Variants in B4GALT1 observed in about 807,000 individuals in gnomAD.
The protein encoded by B4GALT1 is beta-1,4-galactosyltransferase 1.
In B4GALT1, 16 loss-of-function variants were observed where a neutral mutation model predicts 34.9. That is an observed-to-expected ratio of 0.46 (90% CI 0.31 to 0.70). The LOEUF (loss-of-function observed/expected upper bound fraction) is 0.70. Among genes scored for constraint, B4GALT1 ranks in the 30% least tolerant of loss-of-function variants. The probability of loss-of-function intolerance (pLI) is 0.05; values close to 1 mark genes in which losing one functional copy is unlikely to be tolerated. For missense variants in B4GALT1, 445 were observed against 530.5 expected, an observed-to-expected ratio of 0.84 and a Z score of 1.58; for synonymous variants, 221 against 218.1, an observed-to-expected ratio of 1.01 and a Z score of -0.12.
rs1385257226 is a variant in B4GALT1, at chr9:33,113,493, CAATGG to C, written c.1153_1157del (p.Pro385ValfsTer47). 1 of 1,614,080 alleles carries C rather than the reference CAATGG, an allele frequency of 6.2e-7. No homozygotes were observed. The highest frequency in any genetic ancestry group is 8.5e-7 in the Non-Finnish European group (1 of 1,180,036). On this transcript the variant is annotated frameshift_variant, in exon 6 of 6. Coordinates refer to ENST00000379731, the MANE Select transcript of B4GALT1 (RefSeq NM_001497.4). LOFTEE classifies it high-confidence loss of function. The stretch of plus-strand genomic sequence containing the variant: ...CGATGTCCACTGTGATTTGGGTATA[CAATGG>C]GTATCTCTGTACATCCAGCACCTGG...
At chr9:33,136,618 C>T (rs1587738664) in intron 1 of B4GALT1, among the ~76,000 whole-genome samples, 1 of 152,224 alleles carries the variant, frequency 6.6e-6, no homozygotes, top group Non-Finnish European at 1.5e-5. Context: ...AGTCGAAAAA[C>T]CCCCTTCGTT....
At chr9:33,156,124 T>C (rs1840590422) in intron 1 of B4GALT1, among the ~76,000 whole-genome samples, 1 of 151,708 alleles carries the variant, frequency 6.6e-6, no homozygotes, top group Non-Finnish European at 1.5e-5. Context: ...CTGTAAACTT[T>C]TTTTTTTTTC....
At chr9:33,116,174 A>C (rs570906731) in intron 3 of B4GALT1, 61 bp from the exon 4 acceptor site, 2 of 1,584,552 alleles carry the variant, frequency 1.3e-6, no homozygotes, top group Non-Finnish European at 1.7e-6. Context: ...CATCCCCAAA[A>C]TAAAGCTTGC....
Position 33,121,211 on chromosome 9 carries a change from A to C in B4GALT1, c.649-605T>G, listed in dbSNP as rs77436428. On this transcript the variant is annotated intron_variant, in intron 2 of 5. Coordinates refer to ENST00000379731, the MANE Select transcript of B4GALT1 (RefSeq NM_001497.4). ...CAAACCCAACTCAACCTCTGCCCTCACAGTGCTCACCATGGAGGGCAGAAG... is the reference window on the plus strand; with the variant it reads ...CAAACCCAACTCAACCTCTGCCCTCCCAGTGCTCACCATGGAGGGCAGAAG... 2.4e-3 allele frequency among the ~76,000 whole-genome samples: 366 copies of C among 152,300 alleles called. 1 individual carries two copies. The highest frequency in any genetic ancestry group is 3.5e-3 in the Non-Finnish European group (239 of 68,022).
chr9:33,127,226 G>A (rs532443418), intron 2 of B4GALT1, among the ~76,000 whole-genome samples: 5 of 152,298 alleles, frequency 3.3e-5, no homozygotes, highest in African/African-American at 1.2e-4. Context: ...GCCTCCCAAA[G>A]TACTGGGATT....
chr9:33,113,266 A>G lies in B4GALT1; in HGVS notation c.*188T>C. The G allele has an allele frequency of 1.3e-6, 1 of 773,166 alleles. No individual in the cohort carries two copies. The allele number at this position is 773,166 out of a possible 1,614,324, so 47.9% of individuals were successfully genotyped here. A position where few individuals can be genotyped will look rare whatever the true frequency, so the allele number is the denominator to read the frequency against. On this transcript the variant is annotated 3_prime_UTR_variant, in exon 6 of 6. Coordinates refer to ENST00000379731, the MANE Select transcript of B4GALT1 (RefSeq NM_001497.4). ...ACACCTTGCAGAGCTAAGAATTCAC[A>G]TGCCGAGCCAAGTTGGGGGCAAAAT...
At chr9:33,105,320 G>A (rs1395932230) in intron 2 of B4GALT1, among the ~76,000 whole-genome samples, 1 of 151,780 alleles carries the variant, frequency 6.6e-6, no homozygotes, top group Non-Finnish European at 1.5e-5. Flanking sequence ...TGTATTTTTA[G>A]TAGAGACAGG....
At chr9:33,166,720 G>T in intron 1 of B4GALT1, 38 bp downstream of exon 1, 1 of 1,482,782 alleles carries the variant, frequency 6.7e-7, no homozygotes, top group South Asian at 1.4e-5. Flanking sequence ...ATCCGGGGGG[G>T]TCCCAATCCT....
At chr9:33,165,774 G>C (rs1261610574) in intron 1 of B4GALT1, among the ~76,000 whole-genome samples, 1 of 152,236 alleles carries the variant, frequency 6.6e-6, no homozygotes, top group Non-Finnish European at 1.5e-5. Context: ...GGGCCTGTGG[G>C]CCTGTAGGTT....
intron 1 of B4GALT1, among the ~76,000 whole-genome samples, chr9:33,164,970 A>ATT (rs534464885): frequency 9.3e-6 from 1 of 107,556 alleles, no homozygotes; most frequent in African/African-American, 3.5e-5. Context: ...GAGTGCCCGT[A>ATT]TTTTTTTTTT....
intron 2 of B4GALT1, among the ~76,000 whole-genome samples, chr9:33,105,494 G>T (rs940705518): frequency 6.6e-6 from 1 of 152,110 alleles, no homozygotes; most frequent in African/African-American, 2.4e-5. Flanking sequence ...CAGTCATCGG[G>T]GGCAGAGTGC....
intron 1 of B4GALT1, among the ~76,000 whole-genome samples, chr9:33,139,595 A>G (rs1035510111): frequency 1.3e-5 from 2 of 152,016 alleles, no homozygotes; most frequent in Non-Finnish European, 2.9e-5. Flanking sequence ...TGCCCTGCAC[A>G]CCTCCTGCCA....
At chr9:33,151,731 G>C (rs1427025074) in intron 1 of B4GALT1, among the ~76,000 whole-genome samples, 1 of 152,176 alleles carries the variant, frequency 6.6e-6, no homozygotes, top group African/African-American at 2.4e-5. Flanking sequence ...CAGCACACAT[G>C]GCTAAATTTT....
upstream of B4GALT1, among the ~76,000 whole-genome samples, chr9:33,168,254 A>AC (rs1468381982): frequency 6.6e-6 from 1 of 152,206 alleles, no homozygotes; most frequent in Non-Finnish European, 1.5e-5. Flanking sequence ...CTACAGGTTT[A>AC]CCCTTTGTTG....
upstream of B4GALT1, among the ~76,000 whole-genome samples, chr9:33,167,813 A>G (rs1020102311): frequency 2.6e-5 from 4 of 152,094 alleles, no homozygotes; most frequent in African/African-American, 9.7e-5. Flanking sequence ...GAGGCAGAAA[A>G]AGGTTACCCA....
chr9:33,136,254 G>A (rs958526156), intron 1 of B4GALT1, among the ~76,000 whole-genome samples: 3 of 152,188 alleles, frequency 2.0e-5, no homozygotes, highest in Non-Finnish European at 4.4e-5. Context: ...TAGTAAGAGA[G>A]TGCTTGCCTC....
intron 2 of B4GALT1, among the ~76,000 whole-genome samples, chr9:33,131,745 C>T (rs764252678): frequency 6.6e-6 from 1 of 152,196 alleles, no homozygotes; most frequent in Non-Finnish European, 1.5e-5. Context: ...AAACCAGGTG[C>T]TACAAAATCC....
chr9:33,130,108 T>TACTGG (rs781741679), intron 2 of B4GALT1, among the ~76,000 whole-genome samples: 8 of 152,162 alleles, frequency 5.3e-5, no homozygotes, highest in Non-Finnish European at 8.8e-5. Context: ...CAGTTCTGTG[T>TACTGG]ACTGGCTGTG....
At chr9:33,109,944 C>G (rs1418648182), downstream of B4GALT1, among the ~76,000 whole-genome samples, 1 of 152,218 alleles carries the variant, frequency 6.6e-6, no homozygotes, top group Non-Finnish European at 1.5e-5. Context: ...TCTAAGGCAG[C>G]ATTTTGTCCA....
Sources: gnomAD v4.1 joint callset for allele counts (sites outside exome capture counted in the v4.1 genomes callset) on GRCh38, gnomAD v4.1.1 for gene constraint, MANE v1.5 for transcripts, NCBI Gene and HGNC (gene_info 2026-07-23, HGNC 2026-07-21) for gene names.